Variants in CSMD1 observed in about 807,000 individuals in gnomAD.
CSMD1 encodes the protein CUB and Sushi multiple domains 1.
A neutral mutation model predicts 417.5 loss-of-function variants in CSMD1; 213 were observed. The ratio of observed to expected loss-of-function variants is 0.51; its 90% confidence interval spans 0.46 to 0.57. CSMD1 has a LOEUF of 0.57. Among genes scored for constraint, CSMD1 ranks in the 20% least tolerant of loss-of-function variants. The pLI is 0.00. For synonymous variants in CSMD1, 2,862 were observed against 1,736.8 expected (o/e 1.65, Z -16.11); for missense variants, 6,923 against 4,529.7 (o/e 1.53, Z -15.17).
chr8:3,345,600 A>G (rs1585031122), intron 22 of CSMD1, among the ~76,000 whole-genome samples: 1 of 152,148 alleles, frequency 6.6e-6, no homozygotes, highest in East Asian at 1.9e-4. Flanking sequence ...ATATTTTTTC[A>G]CCTATAAGTA....
chr8:3,671,998 A>G (rs377576814), intron 7 of CSMD1, among the ~76,000 whole-genome samples: 1 of 152,208 alleles, frequency 6.6e-6, no homozygotes, highest in Non-Finnish European at 1.5e-5. Flanking sequence ...AACAAAAATA[A>G]TTGAGAACAC....
intron 3 of CSMD1, among the ~76,000 whole-genome samples, chr8:4,100,086 A>G (rs552055616): frequency 2.6e-5 from 4 of 152,192 alleles, no homozygotes; most frequent in Non-Finnish European, 5.9e-5. Context: ...GGGTTAATCC[A>G]GACTCCTACT....
At chr8:3,033,654 G>A (rs1293995686) in intron 50 of CSMD1, among the ~76,000 whole-genome samples, 1 of 151,990 alleles carries the variant, frequency 6.6e-6, no homozygotes, top group Non-Finnish European at 1.5e-5. Flanking sequence ...AACCACGCGG[G>A]ATTTAAAACC....
chr8:4,946,823 C>T (rs996556406), intron 1 of CSMD1, among the ~76,000 whole-genome samples: 3 of 152,154 alleles, frequency 2.0e-5, no homozygotes, highest in Admixed American at 6.5e-5. Context: ...TTAAATAAAA[C>T]ATGCCTCCAA....
At chr8:3,197,100 C>T (rs1055310032) in intron 33 of CSMD1, among the ~76,000 whole-genome samples, 2 of 152,180 alleles carry the variant, frequency 1.3e-5, no homozygotes, top group African/African-American at 4.8e-5. Context: ...ATTAAAGAGC[C>T]TCTAGACTTA....
At chr8:4,201,233 A>T (rs1169004956) in intron 3 of CSMD1, among the ~76,000 whole-genome samples, 1 of 152,166 alleles carries the variant, frequency 6.6e-6, no homozygotes, top group Non-Finnish European at 1.5e-5. Context: ...ACTGGTGAGT[A>T]TGGTTGTAAG....
At position 3,230,180 on chromosome 8, in the gene CSMD1, C is replaced by G. The variant is rs758153692; in HGVS notation, c.4205G>C (p.Arg1402Pro). 7.4e-6 allele frequency: 12 copies of G among 1,612,004 alleles called. No individual in the cohort carries two copies. Among genetic ancestry groups the G allele is most frequent in the Non-Finnish European group, 7.6e-6 (9 of 1,179,014 alleles). Reference protein sequence around the residue: ...NDPGMPQNGTRYGDSREAGDT... With the variant: ...NDPGMPQNGTPYGDSREAGDT... ...TCCAGCCTCTCTGCTGTCTCCATAG[C>G]GGGTGCCATTTTGGGGCATACCTGG... The change falls in exon 27 of 70, where the codon CGC becomes CCC. Residue 1402 changes from arginine to proline, a missense_variant. Physicochemically the swap from Arg to Pro is moderately radical, Grantham distance 103. Coordinates refer to ENST00000635120, the MANE Select transcript of CSMD1 (RefSeq NM_033225.6).
intron 5 of CSMD1, among the ~76,000 whole-genome samples, chr8:3,823,458 A>C (rs1485273266): frequency 6.6e-6 from 1 of 152,210 alleles, no homozygotes; most frequent in Admixed American, 6.5e-5. Flanking sequence ...AAACGTTTGC[A>C]ATTTTTATGC....
At chr8:4,916,838 G>A (rs549246728) in intron 1 of CSMD1, among the ~76,000 whole-genome samples, 2 of 152,200 alleles carry the variant, frequency 1.3e-5, no homozygotes, top group African/African-American at 2.4e-5. Flanking sequence ...GAATCCCTGA[G>A]AATATTTTAC....
Position 3,181,096 on chromosome 8 carries a change from A to G in CSMD1, c.5725+14T>C. 1.3e-6 allele frequency: 2 copies of G among 1,556,142 alleles called. No homozygotes were observed. The highest frequency in any genetic ancestry group is 1.8e-6 in the Non-Finnish European group (2 of 1,127,826). On this transcript the variant is annotated intron_variant, in intron 37 of 69. Coordinates refer to ENST00000635120, the MANE Select transcript of CSMD1 (RefSeq NM_033225.6). ...ATAACAGTGGAAGCTGTATACAGAA[A>G]GAGTTGACCTTACTTTTGTATTCCA...
intron 3 of CSMD1, among the ~76,000 whole-genome samples, chr8:4,038,564 A>T (rs963292798): frequency 1.3e-5 from 2 of 152,232 alleles, no homozygotes; most frequent in Non-Finnish European, 2.9e-5. Flanking sequence ...AAGATTATGC[A>T]TGTCTCTTTG....
chr8:3,451,104 A>C (rs1815683163), intron 12 of CSMD1, among the ~76,000 whole-genome samples: 1 of 152,184 alleles, frequency 6.6e-6, no homozygotes, highest in African/African-American at 2.4e-5. Flanking sequence ...TTGGCTGCAT[A>C]AATGTCTTCT....
chr8:3,366,279 G>A (rs753666837), intron 20 of CSMD1, among the ~76,000 whole-genome samples: 3 of 152,144 alleles, frequency 2.0e-5, no homozygotes, highest in Non-Finnish European at 2.9e-5. Flanking sequence ...ACACTGCAGA[G>A]GTTCTCAGTG....
At chr8:4,117,483 C>T (rs1261414963) in intron 3 of CSMD1, among the ~76,000 whole-genome samples, 2 of 152,264 alleles carry the variant, frequency 1.3e-5, no homozygotes, top group Non-Finnish European at 1.5e-5. Flanking sequence ...ATGATGCACT[C>T]AATGTGCTAT....
intron 32 of CSMD1, 23 bp downstream of exon 32, chr8:3,201,589 G>C: frequency 6.9e-7 from 1 of 1,444,592 alleles, no homozygotes; most frequent in Non-Finnish European, 9.6e-7. Context: ...ACTAAATTAA[G>C]GGCAAAATTC....
intron 9 of CSMD1, among the ~76,000 whole-genome samples, chr8:3,577,800 A>G (rs1389355550): frequency 2.0e-5 from 3 of 151,966 alleles, no homozygotes; most frequent in African/African-American, 7.2e-5. Flanking sequence ...TGCGCCCCCT[A>G]TTTGGCTCGT....
rs192730574 is a variant in CSMD1 at position 4,169,624 on chromosome 8, C to A, written c.416-137525G>T. 7.4e-4 allele frequency among the ~76,000 whole-genome samples: 113 copies of A among 152,260 alleles called. 1 individual carries two copies. Among genetic ancestry groups the A allele is most frequent in the Admixed American group, 7.3e-3 (111 of 15,300 alleles). On this transcript the variant is annotated intron_variant, in intron 3 of 69. Coordinates refer to ENST00000635120, the MANE Select transcript of CSMD1 (RefSeq NM_033225.6). ...TTGTGAAATATGAGAAAAAGTGCAT[C>A]AGTCCCTTGCTGCTGCAGGGACGCC...
intron 3 of CSMD1, among the ~76,000 whole-genome samples, chr8:4,326,839 A>C (rs544812060): frequency 1.2e-4 from 18 of 152,284 alleles, no homozygotes; most frequent in African/African-American, 4.3e-4. Context: ...CTGAAAAAAA[A>C]AGGTCACAGG....
rs1563253785 is a variant in CSMD1 at position 3,307,764 on chromosome 8, T to C, written c.3881A>G (p.Tyr1294Cys). Residue 1294 changes from tyrosine (Y) to cysteine (C), a missense_variant, in exon 25 of 70, where the codon TAT becomes TGT. Coordinates refer to ENST00000635120, the MANE Select transcript of CSMD1 (RefSeq NM_033225.6). ...GAGGTTGTTGTCATACGGAGCTGGA[T>C]AGCCAGGGGACAATATTCGTCCTGA... ...ATSGRILSPG[Y>C]PAPYDNNLHC... is the part of the protein sequence containing the mutation. The C allele has an allele frequency of 6.2e-7, 1 of 1,613,762 alleles. No individual in the cohort carries two copies.
Sources: gnomAD v4.1 joint callset for allele counts (sites outside exome capture counted in the v4.1 genomes callset) on GRCh38, gnomAD v4.1.1 for gene constraint, MANE v1.5 for transcripts, NCBI Gene and HGNC (gene_info 2026-07-23, HGNC 2026-07-21) for gene names.